Variants in FHIT observed in about 807,000 individuals in gnomAD.
FHIT encodes the protein fragile histidine triad diadenosine triphosphatase, also known as bis(5'-adenosyl)-triphosphatase.
Under a neutral mutation model 17.9 loss-of-function variants are expected in FHIT, and 19 were observed. The observed-to-expected ratio is 1.06, with a 90% CI of 0.74 to 1.56. The LOEUF is 1.56. FHIT is among the 40% of genes most tolerant of loss of function. The probability of loss-of-function intolerance (pLI) is 0.00; values close to 1 mark genes in which losing one functional copy is unlikely to be tolerated. For synonymous variants in FHIT, 81 were observed against 69.7 expected, an observed-to-expected ratio of 1.16 and a Z score of -0.81; for missense variants, 248 against 189.2, an observed-to-expected ratio of 1.31 and a Z score of -1.82.
intron 8 of FHIT, among the ~76,000 whole-genome samples, chr3:59,838,693 T>C (rs1701423592): frequency 6.6e-6 from 1 of 152,160 alleles, no homozygotes; most frequent in African/African-American, 2.4e-5. Flanking sequence ...CCCCTCTGTG[T>C]CTCAGGTTCC....
At position 60,584,340 on chromosome 3, in the gene FHIT, T is replaced by TA. The variant is rs112396650; in HGVS notation, c.-17-47362dup. Among the ~76,000 whole-genome samples the TA allele has an allele frequency of 3.3e-3, 507 of 152,140 alleles. 5 individuals carry two copies. The highest frequency in any genetic ancestry group is 0.012 in the African/African-American group (488 of 41,544). ...TGTTAAACATTGGCCAGCATACCTC[T>TA]ATCCATTACCCCTTTCCAACAGACA... On this transcript the variant is annotated intron_variant, in intron 4 of 9. Transcript: ENST00000492590.
At chr3:60,955,227 GA>G (rs146707920) in intron 3 of FHIT, among the ~76,000 whole-genome samples, 1 of 152,100 alleles carries the variant, frequency 6.6e-6, no homozygotes, top group Non-Finnish European at 1.5e-5. Flanking sequence ...ATATAGCAGT[GA>G]AAAGGAAGGA....
At chr3:60,098,319 T>G (rs1169079423) in intron 5 of FHIT, among the ~76,000 whole-genome samples, 2 of 147,448 alleles carry the variant, frequency 1.4e-5, no homozygotes, top group East Asian at 4.0e-4. Context: ...TGAACTAGTT[T>G]ACAGTCCCAC....
chr3:60,641,237 T>C (rs2039717665), intron 4 of FHIT, among the ~76,000 whole-genome samples: 1 of 152,118 alleles, frequency 6.6e-6, no homozygotes, highest in Non-Finnish European at 1.5e-5. Context: ...TTGATCATCA[T>C]GGAAGTTGGA....
chr3:60,626,279 G>C (rs930767483), intron 4 of FHIT, among the ~76,000 whole-genome samples: 1 of 152,106 alleles, frequency 6.6e-6, no homozygotes, highest in African/African-American at 2.4e-5. Context: ...GATTTTGATA[G>C]GAGTTGCATT....
chr3:61,085,158 G>A (rs1445726445), intron 2 of FHIT, among the ~76,000 whole-genome samples: 1 of 152,036 alleles, frequency 6.6e-6, no homozygotes, highest in Non-Finnish European at 1.5e-5. Context: ...TTCATTTCAA[G>A]ACCTTGAAGT....
At chr3:60,260,175 C>A (rs1260425174) in intron 5 of FHIT, among the ~76,000 whole-genome samples, 2 of 151,916 alleles carry the variant, frequency 1.3e-5, no homozygotes, top group Non-Finnish European at 2.9e-5. Flanking sequence ...GAAGATCTAG[C>A]AAAACCATCC....
In FHIT at chr3:60,895,665, C is replaced by T. The variant is rs368812090; in HGVS notation, c.-110-73654G>A. Among the ~76,000 whole-genome samples, 220 of 106,996 alleles carry T rather than the reference C, an allele frequency of 2.1e-3. 5 individuals carry two copies. The highest frequency in any genetic ancestry group is 6.2e-3 in the African/African-American group (164 of 26,556). 70.2% of individuals were successfully genotyped at this position (106,996 alleles called of 152,430 possible). ...CCTTCCTTTCCCTCCTTCCTTCCTT[C>T]CTTTCTTTCTTTCTTTCTTTCTTTC... On this transcript the variant is annotated intron_variant, in intron 3 of 9. Transcript: ENST00000492590.
intron 4 of FHIT, among the ~76,000 whole-genome samples, chr3:60,648,481 G>C (rs782165784): frequency 4.6e-5 from 7 of 152,022 alleles, no homozygotes; most frequent in Non-Finnish European, 8.8e-5. Context: ...GGCAGTCTAG[G>C]AGTTGGGGGT....
At chr3:60,801,351 T>A (rs1241959282) in intron 4 of FHIT, among the ~76,000 whole-genome samples, 6 of 152,224 alleles carry the variant, frequency 3.9e-5, no homozygotes, top group African/African-American at 1.4e-4. Flanking sequence ...ACACTTGCCC[T>A]AACCTGGTTT....
At chr3:60,609,830 TC>T (rs1354685025) in intron 4 of FHIT, among the ~76,000 whole-genome samples, 2 of 152,274 alleles carry the variant, frequency 1.3e-5, no homozygotes, top group African/African-American at 4.8e-5. Context: ...AATCCGGAGT[TC>T]CTGCTATCTC....
intron 5 of FHIT, among the ~76,000 whole-genome samples, chr3:60,284,644 G>A (rs1209568670): frequency 6.6e-6 from 1 of 152,046 alleles, no homozygotes. Flanking sequence ...TGAGTAATCT[G>A]AAGAATGAGA....
At chr3:60,787,597 G>T (rs1283217790) in intron 4 of FHIT, among the ~76,000 whole-genome samples, 2 of 152,216 alleles carry the variant, frequency 1.3e-5, no homozygotes, top group Non-Finnish European at 2.9e-5. Context: ...CATGAAACAG[G>T]TAAGTGAACA....
At chr3:60,620,460 A>T (rs2039089605) in intron 4 of FHIT, among the ~76,000 whole-genome samples, 1 of 152,186 alleles carries the variant, frequency 6.6e-6, no homozygotes, top group African/African-American at 2.4e-5. Flanking sequence ...ATTCAGCCAT[A>T]CTAAAAAGAA....
intron 5 of FHIT, among the ~76,000 whole-genome samples, chr3:60,354,948 T>C (rs1200180013): frequency 4.6e-5 from 7 of 152,174 alleles, no homozygotes; most frequent in African/African-American, 1.4e-4. Context: ...TCCTTAAACA[T>C]TTCCAGTAAA....
chr3:60,484,220 C>T (rs2033739831), intron 5 of FHIT, among the ~76,000 whole-genome samples: 1 of 152,182 alleles, frequency 6.6e-6, no homozygotes, highest in African/African-American at 2.4e-5. Flanking sequence ...TAGAAGGAAT[C>T]AGTATCATGA....
intron 5 of FHIT, among the ~76,000 whole-genome samples, chr3:60,083,286 T>C (rs532256020): frequency 3.2e-4 from 48 of 152,278 alleles, no homozygotes; most frequent in African/African-American, 1.1e-3. Context: ...GTTTTATTTC[T>C]GGGTTTTTTA....
chr3:61,183,626 A>T (rs958095943), intron 2 of FHIT, among the ~76,000 whole-genome samples: 1 of 152,198 alleles, frequency 6.6e-6, no homozygotes, highest in African/African-American at 2.4e-5. Flanking sequence ...TGCCCCATGA[A>T]TTGTGATAAA....
chr3:60,034,274 G>A (rs182418), intron 5 of FHIT, among the ~76,000 whole-genome samples: 111,487 of 152,188 alleles, frequency 0.73, 41,901 homozygotes, highest in Middle Eastern at 0.85. Flanking sequence ...ATGTCATTCA[G>A]ATGAATTGTG....
Sources: allele counts gnomAD v4.1 joint callset (sites outside exome capture counted in the v4.1 genomes callset), GRCh38; gene constraint gnomAD v4.1.1; transcripts MANE v1.5; gene names NCBI Gene and HGNC (gene_info 2026-07-23, HGNC 2026-07-21).